CSRNP3: variants seen among roughly 807,000 people sequenced by gnomAD.
CSRNP3 encodes cysteine/serine-rich nuclear protein 3.
Under a neutral mutation model 48.0 loss-of-function variants are expected in CSRNP3, and 12 were observed. The ratio of observed to expected loss-of-function variants is 0.25; its 90% CI spans 0.16 to 0.41. The LOEUF (loss-of-function observed/expected upper bound fraction) is 0.41. CSRNP3 is among the 10% of genes least tolerant of loss of function. CSRNP3 has a pLI of 1.00. For synonymous variants in CSRNP3, 263 were observed against 269.7 expected (o/e 0.98, Z 0.24); for missense variants, 580 against 724.4 (o/e 0.80, Z 2.29).
At chr2:165,678,627 G>A (rs2105365321) in intron 6 of CSRNP3, 74 bp from the exon 7 acceptor site, 2 of 1,514,944 alleles carry the variant, frequency 1.3e-6, no homozygotes, top group Non-Finnish European at 1.8e-6. Context: ...ATTCAAAGAA[G>A]TTACTGAAAA....
intron 1 of CSRNP3, among the ~76,000 whole-genome samples, chr2:165,493,276 G>T (rs531800956): frequency 7.2e-5 from 11 of 152,028 alleles, no homozygotes; most frequent in Admixed American, 2.0e-4. Context: ...GGACCACCGT[G>T]CTGGTATTTG....
intron 4 of CSRNP3, among the ~76,000 whole-genome samples, chr2:165,631,327 A>G (rs1686532385): frequency 6.6e-6 from 1 of 152,216 alleles, no homozygotes; most frequent in African/African-American, 2.4e-5. Flanking sequence ...TGTGCAGGCC[A>G]TGAGTGTCCT....
rs1208135871 is a variant in CSRNP3 at position 165,679,472 on chromosome 2, T to C, written c.1477T>C (p.Tyr493His). The C allele has an allele frequency of 6.2e-7, 1 of 1,613,498 alleles. No homozygotes were observed. The highest frequency in any genetic ancestry group is 2.2e-5 in the East Asian group (1 of 44,738). ...QAEEAYGASH[Y>H]PAANPSVIVC... ...AGAAGAGGCCTATGGTGCCTCCCAC[T>C]ACCCAGCTGCCAACCCCTCTGTAAT... Residue 493 changes from tyrosine (Y) to histidine (H), a missense_variant, in exon 7 of 7, where the codon TAC becomes CAC. By Grantham distance (83) the Tyr-to-His change is moderately conservative. This residue lies in a region of CSRNP3 where 369 missense variants were observed against 380.8 expected (regional missense o/e 0.97). Coordinates refer to ENST00000651982, the MANE Select transcript of CSRNP3 (RefSeq NM_001172173.2).
chr2:165,617,501 A>G (rs1686267355), intron 4 of CSRNP3, among the ~76,000 whole-genome samples: 1 of 152,134 alleles, frequency 6.6e-6, no homozygotes, highest in Non-Finnish European at 1.5e-5. Context: ...GCTTTGCTGG[A>G]GACTGTGGTG....
intron 5 of CSRNP3, among the ~76,000 whole-genome samples, chr2:165,658,804 A>G (rs1335835161): frequency 2.6e-5 from 4 of 152,188 alleles, no homozygotes; most frequent in Non-Finnish European, 4.4e-5. Flanking sequence ...TGAGAACGCT[A>G]TGGGGGAACT....
intron 4 of CSRNP3, among the ~76,000 whole-genome samples, chr2:165,617,590 G>T (rs1686269672): frequency 6.6e-6 from 1 of 152,128 alleles, no homozygotes; most frequent in Non-Finnish European, 1.5e-5. Context: ...GGGCAGGCTG[G>T]GCCTTGGATC....
At chr2:165,505,413 G>A (rs1026217295) in intron 2 of CSRNP3, among the ~76,000 whole-genome samples, 7 of 151,812 alleles carry the variant, frequency 4.6e-5, no homozygotes, top group Admixed American at 2.6e-4. Context: ...TTTGCAAATG[G>A]GTTAAACAAT....
In CSRNP3 at chr2:165,687,960, C is replaced by G. The variant is rs1232372392; in HGVS notation, c.*8207C>G. ...TTGGTACAGCTGCATATCTCCCAAA[C>G]TCGGATGCTCTTGTGAAATGACAGC... On this transcript the variant is annotated 3_prime_UTR_variant, in exon 7 of 7. Coordinates refer to ENST00000651982, the MANE Select transcript of CSRNP3 (RefSeq NM_001172173.2). 2.0e-5 allele frequency: 3 copies of G among 151,410 alleles called. No individual in the cohort carries two copies. The highest frequency in any genetic ancestry group is 4.4e-5 in the Non-Finnish European group (3 of 67,942). The allele number at this position is 151,410 out of a possible 1,614,324, so 9.4% of individuals were successfully genotyped here.
At chr2:165,634,398 A>G (rs1686593605) in intron 4 of CSRNP3, among the ~76,000 whole-genome samples, 2 of 152,194 alleles carry the variant, frequency 1.3e-5, no homozygotes, top group Non-Finnish European at 2.9e-5. Flanking sequence ...CAAAAAACAC[A>G]TATTGAGCAC....
chr2:165,646,735 T>C (rs1686817596), intron 4 of CSRNP3, among the ~76,000 whole-genome samples: 1 of 152,138 alleles, frequency 6.6e-6, no homozygotes, highest in South Asian at 2.1e-4. Context: ...TTTTAATGTG[T>C]CTTTGACATC....
intron 3 of CSRNP3, among the ~76,000 whole-genome samples, chr2:165,530,426 GA>G (rs1234356908): frequency 2.0e-5 from 3 of 151,994 alleles, no homozygotes; most frequent in Non-Finnish European, 4.4e-5. Context: ...GAAGAATGCA[GA>G]AAAAATGTAA....
chr2:165,506,145 G>T (rs1031692527), intron 2 of CSRNP3, among the ~76,000 whole-genome samples: 12 of 152,118 alleles, frequency 7.9e-5, no homozygotes, highest in African/African-American at 2.4e-4. Context: ...TTCCCCAGAT[G>T]ATCTGCGGAA....
chr2:165,666,108 AG>A lies in CSRNP3; in HGVS notation c.408+8089del, dbSNP rs1687190687. Among the ~76,000 whole-genome samples the A allele has an allele frequency of 1.4e-4, 20 of 139,648 alleles. No individual in the cohort carries two copies. The South Asian group carries it at 4.2e-3, about 29-fold the overall frequency. 91.6% of individuals were successfully genotyped at this position (139,648 alleles called of 152,430 possible). On this transcript the variant is annotated intron_variant, in intron 5 of 6. Transcript: ENST00000651982. The stretch of plus-strand genomic sequence containing the variant: ...AGGAAGGAAGGAGAGAGAGGAAGAA[AG>A]AAAGAGAGAGAGAAAGGAAGGAAGG...
intron 2 of CSRNP3, among the ~76,000 whole-genome samples, chr2:165,517,148 A>G (rs1361627190): frequency 6.6e-6 from 1 of 152,002 alleles, no homozygotes; most frequent in Non-Finnish European, 1.5e-5. Flanking sequence ...AAAATTCATT[A>G]GTGGTTTAGA....
intron 4 of CSRNP3, among the ~76,000 whole-genome samples, chr2:165,618,030 C>A (rs2105315954): frequency 6.6e-6 from 1 of 152,326 alleles, no homozygotes; most frequent in South Asian, 2.1e-4. Context: ...TGGTGCCATG[C>A]TGCAGCGGCT....
In CSRNP3 at chr2:165,680,269, G is replaced by A. The variant is rs1201298275; in HGVS notation, c.*516G>A. Reference sequence around the variant, plus strand: ...TTTTGATGAAAATGAACAGCCGCATGTTCATTCAAGCTGAAGATGCATAGC... The same window carrying A: ...TTTTGATGAAAATGAACAGCCGCATATTCATTCAAGCTGAAGATGCATAGC... On this transcript the variant is annotated 3_prime_UTR_variant, in exon 7 of 7. Coordinates refer to ENST00000651982, the MANE Select transcript of CSRNP3 (RefSeq NM_001172173.2). 1 of 153,682 alleles carries A rather than the reference G, an allele frequency of 6.5e-6. No individual in the cohort carries two copies. The highest frequency in any genetic ancestry group is 1.5e-5 in the Non-Finnish European group (1 of 68,928). 9.5% of individuals were successfully genotyped at this position (153,682 alleles called of 1,614,324 possible).
rs553866853 is a variant in CSRNP3 at position 165,595,135 on chromosome 2, T to A, written c.70T>A (p.Ser24Thr). ...GSSPCSSVRESDDEVSSSESA... is the reference protein window; with the variant it reads ...GSSPCSSVRETDDEVSSSESA... The stretch of plus-strand genomic sequence containing the variant: ...CTCACCCTGCTCCTCTGTGAGGGAA[T>A]CAGATGATGAAGTTTCCAGCAGTGA... Residue 24 changes from serine to threonine, a missense_variant, in exon 4 of 7, where the codon TCA becomes ACA. Ser to Thr is a moderately conservative substitution (Grantham distance 58, BLOSUM62 1). This residue lies in a region of CSRNP3 where 83 missense variants were observed against 139.6 expected (regional missense o/e 0.59). Coordinates refer to ENST00000651982, the MANE Select transcript of CSRNP3 (RefSeq NM_001172173.2). 1 of 1,614,098 alleles carries A rather than the reference T, an allele frequency of 6.2e-7. No individual in the cohort carries two copies. The highest frequency in any genetic ancestry group is 1.7e-5 in the Admixed American group (1 of 60,016).
At chr2:165,655,592 T>C (rs1001465771) in intron 4 of CSRNP3, among the ~76,000 whole-genome samples, 4 of 152,184 alleles carry the variant, frequency 2.6e-5, no homozygotes, top group African/African-American at 9.7e-5. Flanking sequence ...TGGGCTCCCG[T>C]AAAAATGACG....
intron 3 of CSRNP3, among the ~76,000 whole-genome samples, chr2:165,539,803 A>C (rs7566691): frequency 0.27 from 41,313 of 151,950 alleles, 5,878 homozygotes; most frequent in African/African-American, 0.33. Flanking sequence ...GTAAATTTTC[A>C]GAATTAATTT....
Sources: gnomAD v4.1 joint callset for allele counts (sites outside exome capture counted in the v4.1 genomes callset) on GRCh38, gnomAD v4.1.1 for gene constraint, gnomAD v4.1.1 regional missense constraint, MANE v1.5 for transcripts, NCBI Gene and HGNC (gene_info 2026-07-23, HGNC 2026-07-21) for gene names.